COL26A1: variants seen among roughly 807,000 people sequenced by gnomAD.
The protein encoded by COL26A1 is collagen type XXVI alpha 1 chain.
Under a neutral mutation model 59.3 loss-of-function variants are expected in COL26A1, and 41 were observed. The observed-to-expected ratio is 0.69, with a 90% CI of 0.54 to 0.90. The LOEUF is 0.90. Ranked by LOEUF, COL26A1 falls within the 40% of genes least tolerant of loss-of-function variation. COL26A1 has a pLI of 0.00. For synonymous variants in COL26A1, 266 were observed against 256.0 expected (o/e 1.04, Z -0.37); for missense variants, 612 against 602.3 (o/e 1.02, Z -0.17).
chr7:101,451,690 AAAG>A (rs1793341634), intron 3 of COL26A1, among the ~76,000 whole-genome samples: 2 of 150,690 alleles, frequency 1.3e-5, no homozygotes, highest in African/African-American at 4.9e-5. Flanking sequence ...TCTCTACTGA[AAAG>A]AAATCATTTG....
At chr7:101,488,671 C>T (rs956557877) in intron 3 of COL26A1, among the ~76,000 whole-genome samples, 4 of 152,068 alleles carry the variant, frequency 2.6e-5, no homozygotes, top group Non-Finnish European at 5.9e-5. Flanking sequence ...CCACCGCGCC[C>T]GAACTTTAAC....
chr7:101,434,324 G>A (rs913445939), intron 2 of COL26A1, among the ~76,000 whole-genome samples: 1 of 151,686 alleles, frequency 6.6e-6, no homozygotes, highest in Non-Finnish European at 1.5e-5. Context: ...CACAATCATG[G>A]CTCACTGCAG....
rs377419366 is a variant in COL26A1, at chr7:101,540,071, G to A, written c.604+22G>A. The A allele has an allele frequency of 8.1e-6, 13 of 1,603,580 alleles. No homozygotes were observed. The African/African-American group carries it at 1.6e-4, about 20-fold the overall frequency. On this transcript the variant is annotated intron_variant, in intron 5 of 12. Transcript: ENST00000313669. Reference sequence around the variant, plus strand: ...GCCGGTGAGTGAGGGCTGCAGAGAGGACAGGCTGGGGCAGCCGAAGGGACC... The same window carrying A: ...GCCGGTGAGTGAGGGCTGCAGAGAGAACAGGCTGGGGCAGCCGAAGGGACC...
intron 3 of COL26A1, among the ~76,000 whole-genome samples, chr7:101,456,083 A>G (rs1241770171): frequency 6.6e-6 from 1 of 151,996 alleles, no homozygotes; most frequent in African/African-American, 2.4e-5. Flanking sequence ...GAACTTGAGT[A>G]TACACACACT....
chr7:101,457,721 T>C (rs1793509882), intron 3 of COL26A1, among the ~76,000 whole-genome samples: 1 of 152,148 alleles, frequency 6.6e-6, no homozygotes, highest in Non-Finnish European at 1.5e-5. Context: ...TTCTTGAACT[T>C]TATATAAATG....
intron 2 of COL26A1, among the ~76,000 whole-genome samples, chr7:101,433,668 C>G (rs118091778): frequency 0.024 from 3,591 of 151,904 alleles, 65 homozygotes; most frequent in Non-Finnish European, 0.034. Flanking sequence ...CTGGGGCAGG[C>G]GGGGAAAGGA....
chr7:101,417,418 T>C (rs1423687000), intron 1 of COL26A1, among the ~76,000 whole-genome samples: 1 of 148,010 alleles, frequency 6.8e-6, no homozygotes, highest in Non-Finnish European at 1.5e-5. Flanking sequence ...GACTGAAAGG[T>C]CACCAGTTTT....
intron 1 of COL26A1, among the ~76,000 whole-genome samples, chr7:101,387,692 T>TTA (rs1409950795): frequency 7.1e-6 from 1 of 140,918 alleles, no homozygotes; most frequent in Non-Finnish European, 1.5e-5. Context: ...GAGAGAGATT[T>TTA]TATATATATA....
At chr7:101,396,773 G>A (rs916311196) in intron 1 of COL26A1, among the ~76,000 whole-genome samples, 1 of 152,148 alleles carries the variant, frequency 6.6e-6, no homozygotes, top group African/African-American at 2.4e-5. Context: ...ATGCTCTTTA[G>A]AGGACTGTGG....
chr7:101,420,069 G>T lies in COL26A1; in HGVS notation c.251G>T (p.Arg84Leu). The T allele has an allele frequency of 6.2e-7, 1 of 1,613,380 alleles. No homozygotes were observed. ...TVVQRVYQSC[R>L]WPGPCANLVS... ...GTCCAGCGCGTGTACCAGAGCTGCC[G>T]GTGGCCGGGGCCCTGCGCCAACCTC... The change falls in exon 2 of 13, where the codon CGG becomes CTG. Residue 84 changes from arginine to leucine, a missense_variant. Physicochemically the swap from Arg to Leu is moderately radical, Grantham distance 102. Coordinates refer to ENST00000313669, the MANE Select transcript of COL26A1 (RefSeq NM_001278563.3).
chr7:101,443,866 T>C lies in COL26A1; in HGVS notation c.282-3818T>C, dbSNP rs138884625. On this transcript the variant is annotated intron_variant, in intron 2 of 12. Coordinates refer to ENST00000313669, the MANE Select transcript of COL26A1 (RefSeq NM_001278563.3). ...ATTCCAAGTTTTTTCTTTTCCTTTT[T>C]CTTTTCTTTTTTTTTTTTTTTTCAG... Among the ~76,000 whole-genome samples, 601 of 140,824 alleles carry C rather than the reference T, an allele frequency of 4.3e-3. 2 individuals are homozygous for C. Among genetic ancestry groups the C allele is most frequent in the Non-Finnish European group, 7.4e-3 (479 of 64,896 alleles). The allele number at this position is 140,824 out of a possible 152,430, so 92.4% of individuals were successfully genotyped here.
At chr7:101,493,706 G>A (rs1794517602) in intron 3 of COL26A1, among the ~76,000 whole-genome samples, 1 of 149,196 alleles carries the variant, frequency 6.7e-6, no homozygotes, top group Non-Finnish European at 1.5e-5. Context: ...AGGATCACGA[G>A]GTCAGGAGAT....
At chr7:101,405,051 G>A (rs530449746) in intron 1 of COL26A1, among the ~76,000 whole-genome samples, 36 of 152,052 alleles carry the variant, frequency 2.4e-4, no homozygotes, top group Admixed American at 1.4e-3. Flanking sequence ...GTGAAACCCC[G>A]TCTCTACTAA....
chr7:101,471,567 G>GTTT lies in COL26A1; in HGVS notation c.385+23781_385+23783dup, dbSNP rs796287195. Among the ~76,000 whole-genome samples, 166 of 112,392 alleles carry GTTT rather than the reference G, an allele frequency of 1.5e-3. 4 individuals carry two copies. The highest frequency in any genetic ancestry group is 5.5e-3 in the African/African-American group (156 of 28,422). The allele number at this position is 112,392 out of a possible 152,430, so 73.7% of individuals were successfully genotyped here. On this transcript the variant is annotated intron_variant, in intron 3 of 12. Transcript: ENST00000313669. ...ATAATGTTTTGTTGTTGTTGTTGTT[G>GTTT]TTTGTTTTTTTTTTTTTTTTTTTTT...
At chr7:101,480,677 AT>A (rs1487672122) in intron 3 of COL26A1, among the ~76,000 whole-genome samples, 1 of 151,768 alleles carries the variant, frequency 6.6e-6, no homozygotes, top group Non-Finnish European at 1.5e-5. Flanking sequence ...TTTGGGGGGT[AT>A]TTTTTGTAAA....
chr7:101,429,648 AGTG>A (rs1372154558), intron 2 of COL26A1, among the ~76,000 whole-genome samples: 1 of 120,282 alleles, frequency 8.3e-6, no homozygotes, highest in African/African-American at 3.3e-5. Flanking sequence ...GCTGGAGTGT[AGTG>A]GTTCAATCAT....
chr7:101,397,112 C>G (rs1791873306), intron 1 of COL26A1, among the ~76,000 whole-genome samples: 1 of 152,156 alleles, frequency 6.6e-6, no homozygotes, highest in Non-Finnish European at 1.5e-5. Context: ...AAGTTGACCT[C>G]CCTGTCCCTC....
chr7:101,464,815 A>G (rs1793717050), intron 3 of COL26A1, among the ~76,000 whole-genome samples: 1 of 152,032 alleles, frequency 6.6e-6, no homozygotes, highest in African/African-American at 2.4e-5. Context: ...GAGCTCAAGT[A>G]ATCCTCCCAC....
chr7:101,387,770 A>ATTTTTTTTTTTTTT lies in COL26A1; in HGVS notation c.158+24581_158+24582insTTTTTTTTTTTTTT, dbSNP rs1304839639. Among the ~76,000 whole-genome samples, 61 of 36,524 alleles carry ATTTTTTTTTTTTTT rather than the reference A, an allele frequency of 1.7e-3. 2 individuals are homozygous for ATTTTTTTTTTTTTT. The highest frequency in any genetic ancestry group is 3.9e-3 in the South Asian group (3 of 768). 24.0% of individuals were successfully genotyped at this position (36,524 alleles called of 152,430 possible). ...TATATATATTTATATATATATATAT[A>ATTTTTTTTTTTTTT]TATATATATTTTTTTTTAAGACAGA... On this transcript the variant is annotated intron_variant, in intron 1 of 12. Coordinates refer to ENST00000313669, the MANE Select transcript of COL26A1 (RefSeq NM_001278563.3).
Sources: gnomAD v4.1 joint callset for allele counts (sites outside exome capture counted in the v4.1 genomes callset) on GRCh38, gnomAD v4.1.1 for gene constraint, MANE v1.5 for transcripts, NCBI Gene and HGNC (gene_info 2026-07-23, HGNC 2026-07-21) for gene names.